EFCAB11: variants seen among roughly 807,000 people sequenced by gnomAD.
The protein encoded by EFCAB11 is EF-hand calcium-binding domain-containing protein 11.
Under a neutral mutation model 23.0 loss-of-function variants are expected in EFCAB11, and 14 were observed. The ratio of observed to expected loss-of-function variants is 0.61; its 90% confidence interval spans 0.40 to 0.95. The LOEUF (loss-of-function observed/expected upper bound fraction) is 0.95. Among genes scored for constraint, EFCAB11 ranks in the 40% least tolerant of loss-of-function variants. The pLI is 0.00. For missense variants in EFCAB11, 198 were observed against 195.8 expected (o/e 1.01, Z -0.07); for synonymous variants, 65 against 66.6 (o/e 0.98, Z 0.11).
At chr14:89,888,760 G>A (rs1888870078) in intron 5 of EFCAB11, among the ~76,000 whole-genome samples, 1 of 152,196 alleles carries the variant, frequency 6.6e-6, no homozygotes, top group Non-Finnish European at 1.5e-5. Context: ...AGATTTGCCA[G>A]CTCCTTGCTC....
chr14:89,798,342 C>T (rs1396077447), intron 5 of EFCAB11, among the ~76,000 whole-genome samples: 2 of 152,232 alleles, frequency 1.3e-5, no homozygotes, highest in Admixed American at 6.5e-5. Context: ...TGATTGCAGA[C>T]TGCAGAGGCC....
At chr14:89,920,180 T>C (rs1270817046) in intron 5 of EFCAB11, among the ~76,000 whole-genome samples, 1 of 152,244 alleles carries the variant, frequency 6.6e-6, no homozygotes, top group East Asian at 1.9e-4. Context: ...CTGGAATGCC[T>C]TCTACAGTTT....
chr14:89,869,155 T>C (rs1888190123), intron 5 of EFCAB11, among the ~76,000 whole-genome samples: 1 of 152,142 alleles, frequency 6.6e-6, no homozygotes. Context: ...GTGATGCATG[T>C]TCACAACACT....
At chr14:89,849,423 A>C (rs553599401) in intron 5 of EFCAB11, among the ~76,000 whole-genome samples, 2 of 152,306 alleles carry the variant, frequency 1.3e-5, no homozygotes, top group Admixed American at 1.3e-4. Flanking sequence ...GGTTTTCAAA[A>C]CGTAGATGGT....
intron 5 of EFCAB11, among the ~76,000 whole-genome samples, chr14:89,841,300 T>C (rs1289764895): frequency 6.6e-6 from 1 of 152,014 alleles, no homozygotes; most frequent in African/African-American, 2.4e-5. Flanking sequence ...TCTAACAATT[T>C]CCCCTTCTCT....
intron 5 of EFCAB11, among the ~76,000 whole-genome samples, chr14:89,867,572 G>T (rs1233532415): frequency 6.6e-6 from 1 of 152,132 alleles, no homozygotes; most frequent in Non-Finnish European, 1.5e-5. Context: ...CCCTTGCATG[G>T]TCTTAATCTT....
chr14:89,889,747 C>A (rs1296480317), intron 5 of EFCAB11, among the ~76,000 whole-genome samples: 1 of 152,228 alleles, frequency 6.6e-6, no homozygotes, highest in Admixed American at 6.5e-5. Flanking sequence ...CACAATTAAA[C>A]CCTGGGCACT....
At chr14:89,872,395 G>A (rs1210417909) in intron 5 of EFCAB11, among the ~76,000 whole-genome samples, 1 of 152,218 alleles carries the variant, frequency 6.6e-6, no homozygotes, top group Non-Finnish European at 1.5e-5. Flanking sequence ...GTGGGGCACA[G>A]TGCAAGTAGG....
intron 5 of EFCAB11, among the ~76,000 whole-genome samples, chr14:89,861,737 G>C (rs760165926): frequency 2.0e-5 from 3 of 152,142 alleles, no homozygotes; most frequent in African/African-American, 2.4e-5. Flanking sequence ...TTTATAAAAA[G>C]AGGAAGAGAG....
intron 5 of EFCAB11, among the ~76,000 whole-genome samples, chr14:89,860,343 G>A (rs142296243): frequency 0.031 from 4,752 of 151,888 alleles, 261 homozygotes; most frequent in African/African-American, 0.11. Flanking sequence ...CAGCCTGGGC[G>A]ACAAGAGTGA....
intron 5 of EFCAB11, chr14:89,892,266 T>A: frequency 6.2e-7 from 1 of 1,613,492 alleles, no homozygotes; most frequent in South Asian, 1.1e-5. Context: ...GAGACCTCTG[T>A]TAAAAACAAC....
intron 5 of EFCAB11, among the ~76,000 whole-genome samples, chr14:89,871,052 T>C (rs546329347): frequency 6.6e-6 from 1 of 152,230 alleles, no homozygotes; most frequent in Non-Finnish European, 1.5e-5. Flanking sequence ...TCATTTCTCA[T>C]TCTCTTGCTT....
chr14:89,911,788 C>T (rs1277913174), intron 5 of EFCAB11, among the ~76,000 whole-genome samples: 1 of 152,196 alleles, frequency 6.6e-6, no homozygotes, highest in Non-Finnish European at 1.5e-5. Context: ...GCACAGTTCT[C>T]CATTCAGTTG....
At chr14:89,800,758 C>A (rs906461093) in intron 5 of EFCAB11, among the ~76,000 whole-genome samples, 1 of 152,050 alleles carries the variant, frequency 6.6e-6, no homozygotes, top group South Asian at 2.1e-4. Flanking sequence ...GAGAGCAGAA[C>A]TGGGCTGGGT....
At chr14:89,935,866 G>A (rs966901912) in intron 3 of EFCAB11, among the ~76,000 whole-genome samples, 1 of 152,156 alleles carries the variant, frequency 6.6e-6, no homozygotes, top group South Asian at 2.1e-4. Flanking sequence ...AAATTAGCCA[G>A]GTGTGGCGGC....
At chr14:89,798,074 G>T (rs1387507159) in intron 5 of EFCAB11, among the ~76,000 whole-genome samples, 2 of 152,154 alleles carry the variant, frequency 1.3e-5, no homozygotes. Context: ...CATCAAATTC[G>T]TATCAACCAT....
chr14:89,945,088 A>C (rs1167968218), intron 3 of EFCAB11, among the ~76,000 whole-genome samples: 2 of 151,244 alleles, frequency 1.3e-5, no homozygotes. Context: ...TTAAATCTAA[A>C]TGTTAGTAAT....
chr14:89,890,799 T>C (rs1481967983), intron 5 of EFCAB11, among the ~76,000 whole-genome samples: 1 of 152,190 alleles, frequency 6.6e-6, no homozygotes, highest in Non-Finnish European at 1.5e-5. Context: ...GCACTGGGGC[T>C]GCGGTCTGGT....
At chr14:89,952,902 T>C (rs1184055526) in intron 2 of EFCAB11, among the ~76,000 whole-genome samples, 3 of 152,146 alleles carry the variant, frequency 2.0e-5, no homozygotes, top group African/African-American at 7.2e-5. Flanking sequence ...GGACAATATC[T>C]TGACTCTGAC....
Sources: gnomAD v4.1 joint callset for allele counts (sites outside exome capture counted in the v4.1 genomes callset) on GRCh38, gnomAD v4.1.1 for gene constraint, MANE v1.5 for transcripts, NCBI Gene and HGNC (gene_info 2026-07-23, HGNC 2026-07-21) for gene names.